Variants in BIRC6 observed in about 807,000 individuals in gnomAD.
BIRC6 encodes dual E2 ubiquitin-conjugating enzyme/E3 ubiquitin-protein ligase BIRC6.
In BIRC6, 98 loss-of-function variants were observed where a neutral mutation model predicts 503.3. The ratio of observed to expected loss-of-function variants is 0.19; its 90% CI spans 0.17 to 0.23. The LOEUF (loss-of-function observed/expected upper bound fraction) is 0.23. BIRC6 is among the 10% of genes least tolerant of loss of function. The probability of loss-of-function intolerance (pLI) is 1.00; values close to 1 mark genes in which losing one functional copy is unlikely to be tolerated. For missense variants in BIRC6, 5,360 were observed against 5,806.0 expected (o/e 0.92, Z 2.50); for synonymous variants, 2,240 against 2,078.7 (o/e 1.08, Z -2.11).
Position 32,536,403 on chromosome 2 carries a change from T to A in BIRC6, c.12291+4852T>A, listed in dbSNP as rs1055407669. On this transcript the variant is annotated intron_variant, in intron 61 of 73. Transcript: ENST00000421745. ...GCCCATGCCTATGTCCTGAATGGTA[T>A]TGCCTAGGTTTTCTTCTAGGGTTTT... 3.9e-5 allele frequency among the ~76,000 whole-genome samples: 6 copies of A among 152,330 alleles called. No individual in the cohort carries two copies. The East Asian group carries it at 5.8e-4, about 15-fold the overall frequency.
At chr2:32,480,848 G>A (rs1395461978) in intron 37 of BIRC6, among the ~76,000 whole-genome samples, 1 of 151,662 alleles carries the variant, frequency 6.6e-6, no homozygotes, top group Non-Finnish European at 1.5e-5. Flanking sequence ...TGCCATGTTG[G>A]TCAGGCTGTT....
chr2:32,457,273 G>A (rs1319519180), intron 23 of BIRC6, among the ~76,000 whole-genome samples: 1 of 152,072 alleles, frequency 6.6e-6, no homozygotes, highest in Admixed American at 6.5e-5. Flanking sequence ...TGACATTTTT[G>A]TCTTTCAATG....
intron 1 of BIRC6, among the ~76,000 whole-genome samples, chr2:32,369,938 AAAAAAAAATATATATATATATATATATAT>A (rs1170808883): frequency 2.8e-4 from 15 of 54,060 alleles, no homozygotes; most frequent in African/African-American, 1.4e-3. Context: ...AAAAAAAAAA[AAAAAAAAATATATATATATATATATATAT>A]ATATATATAT....
At chr2:32,588,606 G>A (rs2061212293) in intron 66 of BIRC6, among the ~76,000 whole-genome samples, 1 of 152,080 alleles carries the variant, frequency 6.6e-6, no homozygotes, top group Non-Finnish European at 1.5e-5. Context: ...AGAAGAGATG[G>A]TTAAAGGATT....
intron 11 of BIRC6, 84 bp from the exon 12 acceptor site, chr2:32,430,781 A>G: frequency 9.2e-7 from 1 of 1,085,364 alleles, no homozygotes; most frequent in Non-Finnish European, 1.3e-6. Context: ...CTACCCATGA[A>G]TTAAAACTTC....
chr2:32,417,739 G>A (rs1167026325), intron 10 of BIRC6, among the ~76,000 whole-genome samples: 1 of 152,054 alleles, frequency 6.6e-6, no homozygotes, highest in Non-Finnish European at 1.5e-5. Context: ...GTAGTGGTTA[G>A]ATTGCCTTTT....
intron 8 of BIRC6, among the ~76,000 whole-genome samples, chr2:32,403,581 G>C (rs1300659279): frequency 6.6e-6 from 1 of 152,102 alleles, no homozygotes; most frequent in African/African-American, 2.4e-5. Context: ...GGTCAAGTTG[G>C]TAAAAATTCC....
At chr2:32,513,370 C>A (rs942229004) in intron 54 of BIRC6, among the ~76,000 whole-genome samples, 6 of 151,962 alleles carry the variant, frequency 3.9e-5, no homozygotes, top group Non-Finnish European at 8.8e-5. Flanking sequence ...TTTTTTTTAA[C>A]CTAAAATTAT....
At chr2:32,460,245 GATATATATATATAT>G (rs1269564471) in intron 23 of BIRC6, among the ~76,000 whole-genome samples, 1 of 30,976 alleles carries the variant, frequency 3.2e-5, no homozygotes, top group African/African-American at 1.2e-4. Context: ...TCTCGTATAT[GATATATATATATAT>G]ATATATATAT....
intron 1 of BIRC6, among the ~76,000 whole-genome samples, 167 bp from the exon 2 acceptor site, chr2:32,377,421 T>C (rs931615451): frequency 1.3e-5 from 2 of 152,208 alleles, no homozygotes; most frequent in Admixed American, 1.3e-4. Flanking sequence ...TTATGGTACA[T>C]ATTTGAATTT....
At chr2:32,454,031 T>C (rs926577080) in intron 23 of BIRC6, 89 bp downstream of exon 23, 2 of 1,131,664 alleles carry the variant, frequency 1.8e-6, no homozygotes, top group Non-Finnish European at 2.4e-6. Context: ...TTTCTAATTA[T>C]GTAATTTTCA....
chr2:32,510,507 T>A lies in BIRC6; in HGVS notation c.10238-19T>A, dbSNP rs778652465. 5 of 1,454,032 alleles carry A rather than the reference T, an allele frequency of 3.4e-6. No homozygotes were observed. Among genetic ancestry groups the A allele is most frequent in the Non-Finnish European group, 4.8e-6 (5 of 1,042,856 alleles). The allele number at this position is 1,454,032 out of a possible 1,614,324, so 90.1% of individuals were successfully genotyped here. ...CTTGCTTATTTAGCAAACTTTTTCTTTGGATTCTTTGTTGCAAGATTTGAA... is the reference window on the plus strand; with the variant it reads ...CTTGCTTATTTAGCAAACTTTTTCTATGGATTCTTTGTTGCAAGATTTGAA... On this transcript the variant is annotated intron_variant, in intron 52 of 73. Transcript: ENST00000421745.
chr2:32,578,759 A>G (rs2060438118), intron 66 of BIRC6, among the ~76,000 whole-genome samples: 1 of 151,754 alleles, frequency 6.6e-6, no homozygotes, highest in South Asian at 2.1e-4. Context: ...ATCACACTCC[A>G]TTACACTCCA....
intron 1 of BIRC6, among the ~76,000 whole-genome samples, chr2:32,359,938 AG>A (rs2149063931): frequency 6.6e-6 from 1 of 152,252 alleles, no homozygotes; most frequent in Non-Finnish European, 1.5e-5. Context: ...CAGATGATTG[AG>A]GAGGGAATGC....
intron 72 of BIRC6, among the ~76,000 whole-genome samples, chr2:32,609,955 A>G (rs1001031978): frequency 6.6e-5 from 10 of 152,104 alleles, no homozygotes; most frequent in Admixed American, 3.9e-4. Flanking sequence ...TTCCTAATCA[A>G]ATGCCACTCG....
chr2:32,369,992 ATG>A, intron 1 of BIRC6, among the ~76,000 whole-genome samples: 1 of 117,128 alleles, frequency 8.5e-6, no homozygotes, highest in Non-Finnish European at 1.7e-5. Flanking sequence ...ATATGTATGT[ATG>A]TATGTGTGTG....
chr2:32,616,934 T>C (rs1310241018), intron 73 of BIRC6, among the ~76,000 whole-genome samples: 1 of 151,400 alleles, frequency 6.6e-6, no homozygotes, highest in Non-Finnish European at 1.5e-5. Context: ...CGAAACCCCA[T>C]CTGTGTAAAA....
At chr2:32,450,096 T>C (rs1410265572) in intron 22 of BIRC6, among the ~76,000 whole-genome samples, 1 of 152,136 alleles carries the variant, frequency 6.6e-6, no homozygotes, top group Non-Finnish European at 1.5e-5. Flanking sequence ...GGTGAAAGCG[T>C]AAGGGAAGGA....
intron 9 of BIRC6, among the ~76,000 whole-genome samples, chr2:32,413,472 G>T (rs1007393319): frequency 2.6e-5 from 4 of 151,782 alleles, no homozygotes; most frequent in African/African-American, 7.3e-5. Context: ...GAGCCATCGC[G>T]CCCAGCCTCT....
Sources: allele counts gnomAD v4.1 joint callset (sites outside exome capture counted in the v4.1 genomes callset), GRCh38; gene constraint gnomAD v4.1.1; transcripts MANE v1.5; gene names NCBI Gene and HGNC (gene_info 2026-07-23, HGNC 2026-07-21).